The following SAFB2 variants were observed in gnomAD, a reference collection of about 807,000 sequenced individuals.
SAFB2 encodes the protein scaffold attachment factor B2.
SAFB2 carries 32 observed loss-of-function variants against 100.6 expected under a neutral mutation model. That is an observed-to-expected ratio of 0.32 (90% CI 0.24 to 0.43). The LOEUF is 0.43. SAFB2 is among the 20% of genes least tolerant of loss of function. The probability of loss-of-function intolerance (pLI) is 1.00; values close to 1 mark genes in which losing one functional copy is unlikely to be tolerated. For missense variants in SAFB2, 1,185 were observed against 1,163.4 expected (o/e 1.02, Z -0.27); for synonymous variants, 500 against 439.4 (o/e 1.14, Z -1.72).
In SAFB2 at chr19:5,587,243, TTAG is replaced by T. The variant is rs751076160; in HGVS notation, c.2859_2861del (p.Tyr953del). On this transcript the variant is annotated inframe_deletion, in exon 21 of 21. Coordinates refer to ENST00000252542, the MANE Select transcript of SAFB2 (RefSeq NM_014649.3). This position sits in a 1 kb window ranked among gnomAD's most constrained non-coding sequence, Gnocchi z 4.9. ...CCCGAAAACTCGCAGCGAGTGGGACTTAGTAGCGGCGGGTGAAGTGGGGGTACG... is the reference window on the plus strand; with the variant it reads ...CCCGAAAACTCGCAGCGAGTGGGACTTAGCGGCGGGTGAAGTGGGGGTACG... 1.9e-6 allele frequency: 3 copies of T among 1,613,298 alleles called. No individual in the cohort carries two copies. The highest frequency in any genetic ancestry group is 3.3e-5 in the Admixed American group (2 of 59,990).
chr19:5,612,427 G>T, intron 6 of SAFB2, 113 bp downstream of exon 6: 1 of 950,906 alleles, frequency 1.1e-6, no homozygotes, highest in Non-Finnish European at 1.7e-6. Context: ...GATCTGGATT[G>T]TCCACCATTA....
intron 16 of SAFB2, among the ~76,000 whole-genome samples, chr19:5,592,003 A>T (rs1270601442): frequency 6.6e-6 from 1 of 152,190 alleles, no homozygotes; most frequent in Non-Finnish European, 1.5e-5. Flanking sequence ...AGGAATAAAG[A>T]TCTCACTGAA....
At position 5,616,274 on chromosome 19, in the gene SAFB2, A is replaced by G. The variant is rs566786102; in HGVS notation, c.401T>C (p.Leu134Pro). The G allele has an allele frequency of 1.9e-6, 3 of 1,614,184 alleles. No homozygotes were observed. In the East Asian group the frequency reaches 6.7e-5, roughly 36 times the overall value. The change falls in exon 4 of 21, where the codon CTA becomes CCA. Residue 134 changes from leucine (L) to proline (P), a missense_variant. By Grantham distance (98) the Leu-to-Pro change is moderately conservative. Around this residue, in one of 3 missense-constraint regions of SAFB2, gnomAD observed 351 missense variants for 341.2 expected, o/e 1.03. Transcript: ENST00000252542. ...QNMGMMDMSV[L>P]DETEVANSSA... ...GCTATTCGCCACTTCAGTTTCGTCT[A>G]GCACACTCATGTCCATCATGCCCAT...
At chr19:5,616,675 G>A (rs1465427885) in intron 2 of SAFB2, among the ~76,000 whole-genome samples, 189 bp from the exon 3 acceptor site, 4 of 100,866 alleles carry the variant, frequency 4.0e-5, no homozygotes, top group Admixed American at 1.4e-4. Context: ...TTTTTGAGAT[G>A]GAGTCTCCCT....
intron 5 of SAFB2, among the ~76,000 whole-genome samples, chr19:5,613,032 C>T (rs1340193634): frequency 1.3e-5 from 2 of 152,268 alleles, no homozygotes; most frequent in Non-Finnish European, 2.9e-5. Flanking sequence ...TAGGTCCAAT[C>T]CTTCTGGTGG....
chr19:5,614,212 C>T (rs1000912840), intron 4 of SAFB2, among the ~76,000 whole-genome samples: 2 of 152,192 alleles, frequency 1.3e-5, no homozygotes, highest in African/African-American at 2.4e-5. Flanking sequence ...CTCAGCCTCC[C>T]GGAGTGTTGG....
At chr19:5,600,798 T>C (rs755094186) in intron 11 of SAFB2, among the ~76,000 whole-genome samples, 2 of 152,154 alleles carry the variant, frequency 1.3e-5, no homozygotes, top group Non-Finnish European at 2.9e-5. Context: ...GTTAAAATAA[T>C]GTGTTATGTG....
intron 9 of SAFB2, among the ~76,000 whole-genome samples, chr19:5,607,197 C>T (rs563980737): frequency 1.3e-5 from 2 of 152,174 alleles, no homozygotes; most frequent in Admixed American, 1.3e-4. Flanking sequence ...GGAGGCAGAG[C>T]TTGCAGTGAG....
intron 13 of SAFB2, among the ~76,000 whole-genome samples, chr19:5,596,411 T>A (rs1269489884): frequency 6.6e-6 from 1 of 152,204 alleles, no homozygotes; most frequent in Non-Finnish European, 1.5e-5. Flanking sequence ...CAGCCTGGAG[T>A]ACAGTGGCTC....
rs751608237 is a variant in SAFB2, at chr19:5,600,242, T to G, written c.1578A>C (p.Glu526Asp). The G allele has an allele frequency of 1.9e-6, 3 of 1,612,886 alleles. No homozygotes were observed. The highest frequency in any genetic ancestry group is 2.5e-6 in the Non-Finnish European group (3 of 1,179,494). The change falls in exon 12 of 21, where the codon GAA becomes GAC. Residue 526 changes from glutamate to aspartate, a missense_variant. Transcript: ENST00000252542. Reference protein sequence around the residue: ...IKIEKTVIKKEEKIEKKEEKK... With the variant: ...IKIEKTVIKKDEKIEKKEEKK... ...TTTCCTCCTTCTTCTCAATCTTCTC[T>G]TCCTTCTTAATTACAGTTCTATTTA...
Position 5,608,213 on chromosome 19 carries a change from C to T in SAFB2, c.1296+1782G>A, listed in dbSNP as rs2052818988. ...TCACTCACGCCTCAGCTGAATGTCA[C>T]TTCTTCAGCGAGCTCTGCTGAAGCT... On this transcript the variant is annotated intron_variant, in intron 9 of 20. Transcript: ENST00000252542. Among the ~76,000 whole-genome samples, 3 of 152,320 alleles carry T rather than the reference C, an allele frequency of 2.0e-5. No homozygotes were observed. In the South Asian group the frequency reaches 6.2e-4, roughly 32 times the overall value.
Position 5,587,715 on chromosome 19 carries a change from G to A in SAFB2, c.2691C>T (p.Arg897=), listed in dbSNP as rs372223355. The A allele has an allele frequency of 8.4e-5, 130 of 1,551,588 alleles. No individual in the cohort carries two copies. Among genetic ancestry groups the A allele is most frequent in the East Asian group, 7.8e-4 (32 of 40,942 alleles). The change falls in exon 20 of 21, where the codon CGC becomes CGT. Residue 897 remains arginine (R), a synonymous_variant. Transcript: ENST00000252542. The surrounding 1 kb of genome is among the most constrained non-coding windows in gnomAD (Gnocchi z 4.9). Reference sequence around the variant, plus strand: ...ACACACCTTACCCCGCCACTCCACCGCGGCTTGCCATGTGCCCCGGCCCCG... The same window carrying A: ...ACACACCTTACCCCGCCACTCCACCACGGCTTGCCATGTGCCCCGGCCCCG... The part of the protein sequence containing the change: ...GPSGPGHMAS[R]GGVAGRGGFA...
At chr19:5,615,215 C>T (rs1195475789) in intron 4 of SAFB2, among the ~76,000 whole-genome samples, 3 of 152,128 alleles carry the variant, frequency 2.0e-5, no homozygotes, top group African/African-American at 7.2e-5. Flanking sequence ...ATCAGCTGGG[C>T]GTGGTGGCGC....
Position 5,607,842 on chromosome 19 carries a change from G to A in SAFB2, c.1296+2153C>T, listed in dbSNP as rs138377508. Among the ~76,000 whole-genome samples, 620 of 152,298 alleles carry A rather than the reference G, an allele frequency of 4.1e-3. 3 individuals carry two copies. The highest frequency in any genetic ancestry group is 0.014 in the African/African-American group (580 of 41,544). ...CACAAGCTTGAGGTTCCCATCTGAC[G>A]TCCTTGGTTTTGACCACACAAATGG... On this transcript the variant is annotated intron_variant, in intron 9 of 20. Coordinates refer to ENST00000252542, the MANE Select transcript of SAFB2 (RefSeq NM_014649.3).
intron 4 of SAFB2, among the ~76,000 whole-genome samples, chr19:5,614,098 C>A (rs2052971249): frequency 6.6e-6 from 1 of 152,172 alleles, no homozygotes; most frequent in Admixed American, 6.5e-5. Flanking sequence ...GGATTACAGG[C>A]ATGCACCACC....
intron 9 of SAFB2, among the ~76,000 whole-genome samples, chr19:5,606,937 T>C (rs1206239225): frequency 1.3e-5 from 2 of 152,150 alleles, no homozygotes; most frequent in African/African-American, 4.8e-5. Flanking sequence ...GTGAACATGA[T>C]TTTTTCCTGT....
At chr19:5,615,994 A>G (rs2053019770) in intron 4 of SAFB2, 138 bp downstream of exon 4, 3 of 725,180 alleles carry the variant, frequency 4.1e-6, no homozygotes, top group African/African-American at 3.5e-5. Context: ...TTAAATGGAC[A>G]TGGTTTAACA....
intron 17 of SAFB2, among the ~76,000 whole-genome samples, chr19:5,590,953 C>T (rs1425808577): frequency 6.6e-6 from 1 of 152,228 alleles, no homozygotes. Context: ...CCTGCCACCA[C>T]GCACGGGGCA....
Position 5,590,334 on chromosome 19 carries a change from C to A in SAFB2, c.2469G>T (p.Gly823=), listed in dbSNP as rs766547427. The A allele has an allele frequency of 6.2e-6, 10 of 1,610,206 alleles. No homozygotes were observed. The highest frequency in any genetic ancestry group is 7.6e-6 in the Non-Finnish European group (9 of 1,178,854). The change falls in exon 18 of 21, where the codon GGG becomes GGT. Residue 823 remains glycine (G), a synonymous_variant. Transcript: ENST00000252542. ...RHGRDSRDGW[G]GYGSDKRLSE... ...TCAGCCTCTTGTCGGAGCCGTAGCC[C>A]CCCCAGCCATCACGGGAGTCCCGGC... is the stretch of plus-strand genomic sequence containing the variant.
Sources: gnomAD v4.1 joint callset for allele counts (sites outside exome capture counted in the v4.1 genomes callset) on GRCh38, gnomAD v4.1.1 for gene constraint, gnomAD v4.1.1 regional missense constraint, Gnocchi (gnomAD v3.1) non-coding constraint, MANE v1.5 for transcripts, NCBI Gene and HGNC (gene_info 2026-07-23, HGNC 2026-07-21) for gene names.